The following MARVELD3 variants were observed in gnomAD, a reference collection of about 807,000 sequenced individuals.
MARVELD3 encodes MARVEL domain containing 3.
Under a neutral mutation model 33.5 loss-of-function variants are expected in MARVELD3, and 28 were observed. That is an observed-to-expected ratio of 0.84 (90% CI 0.62 to 1.15). The LOEUF is 1.15. MARVELD3 is among the 50% of genes most tolerant of loss of function. MARVELD3 has a pLI of 0.00. For missense variants in MARVELD3, 582 were observed against 547.6 expected, an observed-to-expected ratio of 1.06 and a Z score of -0.63; for synonymous variants, 241 against 230.4, an observed-to-expected ratio of 1.05 and a Z score of -0.42.
At chr16:71,640,372 G>T (rs377608387), downstream of MARVELD3, 2 of 1,610,594 alleles carry the variant, frequency 1.2e-6, no homozygotes, top group African/African-American at 2.7e-5. Context: ...GTTAAAGCCC[G>T]AATCTCTCTT....
At chr16:71,638,565 G>A (rs943473701), downstream of MARVELD3, 3 of 152,168 alleles carry the variant, frequency 2.0e-5, no homozygotes, top group Non-Finnish European at 2.9e-5. Context: ...TTGAAGAGAC[G>A]GTATGAGTGA....
chr16:71,632,969 C>T (rs184164992), intron 2 of MARVELD3, among the ~76,000 whole-genome samples: 61 of 152,218 alleles, frequency 4.0e-4, no homozygotes, highest in Admixed American at 2.6e-4. Context: ...ATAACTTCCA[C>T]GCTTTTTTTC....
At chr16:71,640,193 CAGG>C (rs749566998), downstream of MARVELD3, among the ~76,000 whole-genome samples, 1 of 151,074 alleles carries the variant, frequency 6.6e-6, no homozygotes, top group Non-Finnish European at 1.5e-5. Flanking sequence ...CGCTTGAAGC[CAGG>C]AGGTGGAGGT....
downstream of MARVELD3, among the ~76,000 whole-genome samples, chr16:71,639,747 TAGG>T (rs1242472889): frequency 9.2e-5 from 14 of 152,148 alleles, no homozygotes; most frequent in Admixed American, 6.5e-4. Flanking sequence ...GCACCCAGCC[TAGG>T]AGTTCATCCC....
At chr16:71,628,923 T>A (rs909243140) in intron 1 of MARVELD3, 8 of 154,832 alleles carry the variant, frequency 5.2e-5, no homozygotes, top group African/African-American at 1.9e-4. Flanking sequence ...TCAAAATCCG[T>A]GGTCTGCAGC....
chr16:71,626,192 C>T lies in MARVELD3; in HGVS notation c.-38C>T, dbSNP rs2044464024. The T allele has an allele frequency of 2.8e-6, 4 of 1,438,386 alleles. No individual in the cohort carries two copies. Among genetic ancestry groups the T allele is most frequent in the South Asian group, 1.5e-5 (1 of 67,510 alleles). 89.1% of individuals were successfully genotyped at this position (1,438,386 alleles called of 1,614,324 possible). On this transcript the variant is annotated 5_prime_UTR_variant, in exon 1 of 3. Coordinates refer to ENST00000268485, the MANE Select transcript of MARVELD3 (RefSeq NM_052858.6). The surrounding 1 kb of genome is among the most constrained non-coding windows in gnomAD (Gnocchi z 5.3). ...GCCCAAGAAACTTGTTGGTTGTTGC[C>T]CTCAGGTCGCTCCCGGGCGGGGACA... is the stretch of plus-strand genomic sequence containing the variant.
chr16:71,634,644 C>T lies in MARVELD3; in HGVS notation c.1047C>T (p.Tyr349=). 10 of 1,614,218 alleles carry T rather than the reference C, an allele frequency of 6.2e-6. No individual in the cohort carries two copies. Among genetic ancestry groups the T allele is most frequent in the Non-Finnish European group, 7.6e-6 (9 of 1,180,044 alleles). The change falls in exon 3 of 3, where the codon TAC becomes TAT. Residue 349 remains tyrosine, a synonymous_variant. Transcript: ENST00000268485. ...ERQALYQSKG[Y]SGFGCSFHGA... ...AGGCGCTGTACCAAAGCAAAGGCTA[C>T]AGCGGTTTCGGCTGCAGTTTCCACG...
At chr16:71,628,394 G>A (rs1567603570) in intron 1 of MARVELD3, among the ~76,000 whole-genome samples, 1 of 152,126 alleles carries the variant, frequency 6.6e-6, no homozygotes, top group African/African-American at 2.4e-5. Context: ...AAAATTAGCA[G>A]AGCGCGGTGG....
chr16:71,634,828 T>C lies in MARVELD3; in HGVS notation c.*25T>C, dbSNP rs1567605810. 1 of 1,552,580 alleles carries C rather than the reference T, an allele frequency of 6.4e-7. No individual in the cohort carries two copies. The highest frequency in any genetic ancestry group is 8.7e-7 in the Non-Finnish European group (1 of 1,151,394). Reference sequence around the variant, plus strand: ...AGGGTTTCTAAAACGCTCTGACAGATGCAAGTGGTGGTGGAAGGTAGTCTG... The same window carrying C: ...AGGGTTTCTAAAACGCTCTGACAGACGCAAGTGGTGGTGGAAGGTAGTCTG... On this transcript the variant is annotated 3_prime_UTR_variant, in exon 3 of 3. Transcript: ENST00000268485.
chr16:71,639,057 GTTC>G (rs2044599522), downstream of MARVELD3: 2 of 129,708 alleles, frequency 1.5e-5, no homozygotes, highest in African/African-American at 6.0e-5. Context: ...TTTCAGACTG[GTTC>G]TTTTTTTTTT....
In MARVELD3 at chr16:71,629,411, G is replaced by C; in HGVS notation, c.512G>C (p.Gly171Ala). The change falls in exon 2 of 3, where the codon GGA becomes GCA. Residue 171 changes from glycine to alanine, a missense_variant. Physicochemically the swap from Gly to Ala is moderately conservative, Grantham distance 60. Transcript: ENST00000268485. ...TATCTGCCCTCGACCCCCAGGCCTG[G>C]ACGAGAGGAGGTGGAATATTACCAG... is the stretch of plus-strand genomic sequence containing the variant. Reference protein sequence around the residue: ...ERYLPSTPRPGREEVEYYQSE... With the variant: ...ERYLPSTPRPAREEVEYYQSE... 1 of 1,580,594 alleles carries C rather than the reference G, an allele frequency of 6.3e-7. No individual in the cohort carries two copies. Among genetic ancestry groups the C allele is most frequent in the Non-Finnish European group, 8.6e-7 (1 of 1,166,536 alleles).
rs569722156 is a variant in MARVELD3, at chr16:71,626,675, C to T, written c.446C>T (p.Pro149Leu). 9.3e-6 allele frequency: 14 copies of T among 1,510,830 alleles called. No individual in the cohort carries two copies. In the South Asian group the frequency reaches 1.4e-4, roughly 15 times the overall value. The allele number at this position is 1,510,830 out of a possible 1,614,324, so 93.6% of individuals were successfully genotyped here. The change falls in exon 1 of 3, where the codon CCC becomes CTC. Residue 149 changes from proline to leucine, a missense_variant. Transcript: ENST00000268485. This position sits in a 1 kb window ranked among gnomAD's most constrained non-coding sequence, Gnocchi z 5.3. ...EPPQPQRKGD[P>L]GRRRPESEPP... ...CCGCAGCCGCAGAGGAAGGGAGACC[C>T]CGGGCGCCGCAGACCCGAAAGGTGA...
chr16:71,632,904 G>A (rs2054421106), intron 2 of MARVELD3, among the ~76,000 whole-genome samples: 1 of 151,900 alleles, frequency 6.6e-6, no homozygotes, highest in African/African-American at 2.4e-5. Flanking sequence ...GAGCCACCGC[G>A]CCTGGCCAAT....
At chr16:71,629,257 T>C in intron 1 of MARVELD3, 110 bp from the exon 2 acceptor site, 3 of 1,236,438 alleles carry the variant, frequency 2.4e-6, no homozygotes, top group Non-Finnish European at 3.3e-6. Flanking sequence ...GGACAAATTC[T>C]ATTTCTGTTC....
chr16:71,632,069 G>T (rs960902595), intron 2 of MARVELD3, among the ~76,000 whole-genome samples: 1 of 152,136 alleles, frequency 6.6e-6, no homozygotes, highest in African/African-American at 2.4e-5. Flanking sequence ...GGACATAACC[G>T]TATTATTCCA....
chr16:71,641,043 A>G (rs1236713049), downstream of MARVELD3: 5 of 1,584,750 alleles, frequency 3.2e-6, no homozygotes, highest in South Asian at 5.6e-5. Flanking sequence ...TCCGGAACCT[A>G]AATGTGAACG....
chr16:71,628,305 C>T (rs7195840), intron 1 of MARVELD3, among the ~76,000 whole-genome samples: 69,775 of 151,922 alleles, frequency 0.46, 16,508 homozygotes, highest in South Asian at 0.62. Context: ...GAGGCCGAAG[C>T]GGGCAGATCA....
Position 71,626,475 on chromosome 16 carries a change from A to G in MARVELD3, c.246A>G (p.Glu82=), listed in dbSNP as rs1051442459. ...NRDRERERER[E]RDPDRGPRRD... ...ACCGGGAGAGGGAGAGAGAGAGGGAAAGAGACCCGGACCGAGGCCCCCGCC... is the reference window on the plus strand; with the variant it reads ...ACCGGGAGAGGGAGAGAGAGAGGGAGAGAGACCCGGACCGAGGCCCCCGCC... The change falls in exon 1 of 3, where the codon GAA becomes GAG. Residue 82 remains glutamate, a synonymous_variant. Coordinates refer to ENST00000268485, the MANE Select transcript of MARVELD3 (RefSeq NM_052858.6). This position sits in a 1 kb window ranked among gnomAD's most constrained non-coding sequence, Gnocchi z 5.3. 2.6e-6 allele frequency: 4 copies of G among 1,549,146 alleles called. No homozygotes were observed. The highest frequency in any genetic ancestry group is 3.9e-5 in the Admixed American group (2 of 50,974).
Position 71,634,798 on chromosome 16 carries a change from T to G in MARVELD3, c.1201T>G (p.Phe401Val), listed in dbSNP as rs1358529621. 2 of 1,591,934 alleles carry G rather than the reference T, an allele frequency of 1.3e-6. No individual in the cohort carries two copies. The highest frequency in any genetic ancestry group is 1.7e-6 in the Non-Finnish European group (2 of 1,170,740). ...AGAGAAGCCAGCAGAAATGTTTGAA[T>G]TTTAAGGGTTTCTAAAACGCTCTGA... ...LKEKPAEMFE[F>V] Residue 401 changes from phenylalanine to valine, a missense_variant, in exon 3 of 3, where the codon TTT (phenylalanine) becomes GTT (valine). Coordinates refer to ENST00000268485, the MANE Select transcript of MARVELD3 (RefSeq NM_052858.6).
Sources: allele counts gnomAD v4.1 joint callset (sites outside exome capture counted in the v4.1 genomes callset), GRCh38; gene constraint gnomAD v4.1.1; non-coding constraint Gnocchi (gnomAD v3.1); transcripts MANE v1.5; gene names NCBI Gene and HGNC (gene_info 2026-07-23, HGNC 2026-07-21).